The following CACNG3 variants were observed in gnomAD, a reference collection of about 807,000 sequenced individuals.
CACNG3 encodes voltage-dependent calcium channel gamma-3 subunit.
Under a neutral mutation model 28.5 loss-of-function variants are expected in CACNG3, and 3 were observed. The observed-to-expected ratio is 0.11, with a 90% confidence interval of 0.05 to 0.27. The LOEUF (loss-of-function observed/expected upper bound fraction) is 0.27. CACNG3 is among the 10% of genes least tolerant of loss of function. The probability of loss-of-function intolerance (pLI) is 1.00; values close to 1 mark genes in which losing one functional copy is unlikely to be tolerated. For synonymous variants in CACNG3, 174 were observed against 162.2 expected, an observed-to-expected ratio of 1.07 and a Z score of -0.55; for missense variants, 236 against 414.4, an observed-to-expected ratio of 0.57 and a Z score of 3.74.
intron 1 of CACNG3, among the ~76,000 whole-genome samples, chr16:24,338,169 A>G (rs1230724268): frequency 6.6e-6 from 1 of 151,684 alleles, no homozygotes; most frequent in East Asian, 1.9e-4. Context: ...ATTTCCTTCT[A>G]CCTGGAAAGC....
At chr16:24,269,746 C>CAAAAAAAAAAAAAAAAAAAAGAAAAA (rs1898659804) in intron 1 of CACNG3, among the ~76,000 whole-genome samples, 1 of 71,082 alleles carries the variant, frequency 1.4e-5, no homozygotes, top group African/African-American at 4.8e-5. Flanking sequence ...GACTCCATCT[C>CAAAAAAAAAAAAAAAAAAAAGAAAAA]AAAAAAAAAA....
chr16:24,282,077 G>A (rs1898836052), intron 1 of CACNG3, among the ~76,000 whole-genome samples: 1 of 152,184 alleles, frequency 6.6e-6, no homozygotes. Context: ...CCACTGCAAC[G>A]CAGCAGTTTT....
chr16:24,353,001 G>T (rs889885535), intron 2 of CACNG3, among the ~76,000 whole-genome samples: 1 of 152,118 alleles, frequency 6.6e-6, no homozygotes, highest in Admixed American at 6.5e-5. Context: ...TTGAAACAGA[G>T]ACTCGTTCTG....
chr16:24,329,104 G>C (rs879789444), intron 1 of CACNG3, among the ~76,000 whole-genome samples: 1 of 152,188 alleles, frequency 6.6e-6, no homozygotes, highest in Non-Finnish European at 1.5e-5. Flanking sequence ...GAGCAGGGGT[G>C]GGGGAACCAC....
intron 1 of CACNG3, among the ~76,000 whole-genome samples, chr16:24,283,094 G>C (rs73552393): frequency 0.026 from 3,912 of 151,938 alleles, 191 homozygotes; most frequent in African/African-American, 0.09. Context: ...GGTCTCGATC[G>C]CCTAACCTTG....
At chr16:24,330,826 T>C (rs1224409969) in intron 1 of CACNG3, among the ~76,000 whole-genome samples, 1 of 152,172 alleles carries the variant, frequency 6.6e-6, no homozygotes, top group African/African-American at 2.4e-5. Flanking sequence ...CCTGCCAAGG[T>C]AGGGTTAAGA....
intron 1 of CACNG3, among the ~76,000 whole-genome samples, chr16:24,309,924 G>A (rs532392680): frequency 2.0e-5 from 3 of 152,302 alleles, no homozygotes; most frequent in South Asian, 2.1e-4. Flanking sequence ...GCTACATCGC[G>A]GGGACTTCAG....
intron 1 of CACNG3, among the ~76,000 whole-genome samples, chr16:24,279,449 A>G (rs1046078405): frequency 6.6e-6 from 1 of 151,920 alleles, no homozygotes; most frequent in East Asian, 1.9e-4. Flanking sequence ...GTGCACCGCT[A>G]CACCTGGCTA....
At chr16:24,322,560 CA>C (rs1184250073) in intron 1 of CACNG3, among the ~76,000 whole-genome samples, 1 of 151,966 alleles carries the variant, frequency 6.6e-6, no homozygotes, top group African/African-American at 2.4e-5. Context: ...AAGACTTTTA[CA>C]TTTGTAAAAT....
intron 1 of CACNG3, among the ~76,000 whole-genome samples, chr16:24,264,948 T>C (rs1224082538): frequency 1.3e-5 from 2 of 152,178 alleles, no homozygotes; most frequent in Non-Finnish European, 2.9e-5. Flanking sequence ...TTTTAACAGT[T>C]GAAAACTCTG....
At chr16:24,282,337 C>T (rs779888580) in intron 1 of CACNG3, among the ~76,000 whole-genome samples, 1 of 152,020 alleles carries the variant, frequency 6.6e-6, no homozygotes, top group African/African-American at 2.4e-5. Context: ...ACTGAAGAGT[C>T]ACACTGGGCT....
chr16:24,315,518 CTTCT>C (rs893708276), intron 1 of CACNG3, among the ~76,000 whole-genome samples: 81 of 144,024 alleles, frequency 5.6e-4, no homozygotes, highest in East Asian at 8.2e-4. Flanking sequence ...CTTTCTTTTC[CTTCT>C]TTCTTTCTTT....
chr16:24,275,424 G>C (rs1387464855), intron 1 of CACNG3, among the ~76,000 whole-genome samples: 5 of 152,150 alleles, frequency 3.3e-5, no homozygotes, highest in Non-Finnish European at 5.9e-5. Context: ...CTCAGACCTT[G>C]AGTGCTAGAT....
intron 1 of CACNG3, among the ~76,000 whole-genome samples, chr16:24,264,263 C>T (rs909427977): frequency 7.9e-5 from 12 of 152,328 alleles, no homozygotes; most frequent in Admixed American, 1.3e-4. Context: ...GCCCACGCTC[C>T]GCTCACCAAA....
At chr16:24,349,249 A>G (rs1899909804) in intron 2 of CACNG3, among the ~76,000 whole-genome samples, 2 of 152,338 alleles carry the variant, frequency 1.3e-5, no homozygotes, top group South Asian at 4.1e-4. Flanking sequence ...TCTTTGGGGT[A>G]GGCTACAGCA....
At chr16:24,323,668 C>G (rs1402913209) in intron 1 of CACNG3, among the ~76,000 whole-genome samples, 4 of 152,196 alleles carry the variant, frequency 2.6e-5, no homozygotes, top group Admixed American at 2.0e-4. Flanking sequence ...CAGGTTGATA[C>G]TAATAAATAT....
chr16:24,293,785 C>T (rs1387912771), intron 1 of CACNG3, among the ~76,000 whole-genome samples: 1 of 152,130 alleles, frequency 6.6e-6, no homozygotes, highest in Non-Finnish European at 1.5e-5. Context: ...GCAAATCTAT[C>T]TGCCCAGCAT....
intron 1 of CACNG3, among the ~76,000 whole-genome samples, chr16:24,338,443 A>G (rs572648543): frequency 1.3e-5 from 2 of 152,282 alleles, no homozygotes; most frequent in South Asian, 4.2e-4. Flanking sequence ...TTCTGGGTTC[A>G]AGTTATTCTC....
chr16:24,269,740 C>G (rs1898659338), intron 1 of CACNG3, among the ~76,000 whole-genome samples: 1 of 83,120 alleles, frequency 1.2e-5, no homozygotes, highest in Non-Finnish European at 2.1e-5. Flanking sequence ...GAGAGAGACT[C>G]CATCTCAAAA....
Sources: gnomAD v4.1 joint callset for allele counts (sites outside exome capture counted in the v4.1 genomes callset) on GRCh38, gnomAD v4.1.1 for gene constraint, MANE v1.5 for transcripts, NCBI Gene and HGNC (gene_info 2026-07-23, HGNC 2026-07-21) for gene names.